Variants in PDZRN3 observed in about 807,000 individuals in gnomAD.
PDZRN3 encodes the protein E3 ubiquitin-protein ligase PDZRN3.
Under a neutral mutation model 85.7 loss-of-function variants are expected in PDZRN3, and 38 were observed. That is an observed-to-expected ratio of 0.44 (90% CI 0.34 to 0.58). The LOEUF is 0.58. PDZRN3 is among the 20% of genes least tolerant of loss of function. The pLI is 0.01. For synonymous variants in PDZRN3, 759 were observed against 638.0 expected (o/e 1.19, Z -2.86); for missense variants, 1,629 against 1,506.4 (o/e 1.08, Z -1.35).
intron 3 of PDZRN3, among the ~76,000 whole-genome samples, chr3:73,570,175 T>G (rs1702025364): frequency 6.6e-6 from 1 of 152,148 alleles, no homozygotes; most frequent in Non-Finnish European, 1.5e-5. Context: ...TGCTGTGTAT[T>G]GGCACCAAGG....
At chr3:73,570,301 C>G (rs1431119117) in intron 3 of PDZRN3, among the ~76,000 whole-genome samples, 1 of 152,280 alleles carries the variant, frequency 6.6e-6, no homozygotes, top group Non-Finnish European at 1.5e-5. Flanking sequence ...ATGAGGCATA[C>G]ATCTAGAAGA....
chr3:73,620,572 G>GTTTT (rs1477092912), intron 1 of PDZRN3, among the ~76,000 whole-genome samples: 1 of 88,468 alleles, frequency 1.1e-5, no homozygotes, highest in Non-Finnish European at 2.5e-5. Flanking sequence ...GGCAGTCTGG[G>GTTTT]TTTTTTTTGT....
chr3:73,565,046 C>T (rs547271456), intron 3 of PDZRN3, among the ~76,000 whole-genome samples: 10 of 151,986 alleles, frequency 6.6e-5, no homozygotes, highest in African/African-American at 2.4e-4. Context: ...CAATATCAGA[C>T]AGCATAGCAC....
At chr3:73,415,203 G>T (rs1702051472) in intron 3 of PDZRN3, among the ~76,000 whole-genome samples, 4 of 152,316 alleles carry the variant, frequency 2.6e-5, no homozygotes, top group Admixed American at 2.0e-4. Flanking sequence ...CAGGGAGAGG[G>T]AGGTCCCCTG....
At chr3:73,584,550 G>C (rs9847947) in intron 3 of PDZRN3, among the ~76,000 whole-genome samples, 104,136 of 151,112 alleles carry the variant, frequency 0.69, 36,551 homozygotes, top group South Asian at 0.77. Context: ...AGAAAACAGA[G>C]AAAATATTAA....
chr3:73,544,935 G>A (rs903375164), intron 3 of PDZRN3, among the ~76,000 whole-genome samples: 4 of 151,990 alleles, frequency 2.6e-5, no homozygotes, highest in Admixed American at 1.3e-4. Flanking sequence ...CAAAACCTCC[G>A]TAGCTGTATT....
intron 5 of PDZRN3, among the ~76,000 whole-genome samples, chr3:73,400,712 T>G (rs1308848620): frequency 6.6e-6 from 1 of 152,202 alleles, no homozygotes; most frequent in Non-Finnish European, 1.5e-5. Context: ...AAGTTTACAT[T>G]TCTGCTTTTG....
rs1156969580 is a variant in PDZRN3 at position 73,433,634 on chromosome 3, G to A, written c.919-29239C>T. ...ACTTCTATGGAATAAAATGCAGGGT[G>A]TTACCTGACAAACTTCATAGAGTAA... is the stretch of plus-strand genomic sequence containing the variant. On this transcript the variant is annotated intron_variant, in intron 3 of 9. Transcript: ENST00000263666. 4 of 1,523,728 alleles carry A rather than the reference G, an allele frequency of 2.6e-6. No individual in the cohort carries two copies. The South Asian group carries it at 4.8e-5, about 18-fold the overall frequency. The allele number at this position is 1,523,728 out of a possible 1,614,324, so 94.4% of individuals were successfully genotyped here. A position where few individuals can be genotyped will look rare whatever the true frequency, so the allele number is the denominator to read the frequency against.
intron 3 of PDZRN3, among the ~76,000 whole-genome samples, chr3:73,461,088 C>T (rs1318115092): frequency 6.6e-6 from 1 of 152,136 alleles, no homozygotes; most frequent in African/African-American, 2.4e-5. Flanking sequence ...GCCACCGTAC[C>T]TGGCCAAGAT....
chr3:73,442,131 C>G (rs565044272), intron 3 of PDZRN3, among the ~76,000 whole-genome samples: 172 of 152,290 alleles, frequency 1.1e-3, no homozygotes, highest in African/African-American at 4.0e-3. Flanking sequence ...CTGGGGGTTC[C>G]CTGCTGGGCT....
intron 3 of PDZRN3, among the ~76,000 whole-genome samples, chr3:73,591,421 T>C (rs1702354729): frequency 1.3e-5 from 2 of 152,222 alleles, no homozygotes; most frequent in South Asian, 4.1e-4. Flanking sequence ...CTGATTTATA[T>C]GGCCTTAGGA....
chr3:73,612,795 G>T (rs1702703294), intron 1 of PDZRN3, among the ~76,000 whole-genome samples: 1 of 152,216 alleles, frequency 6.6e-6, no homozygotes, highest in Non-Finnish European at 1.5e-5. Context: ...GAAAGGGAAT[G>T]ATAATGGTTC....
intron 3 of PDZRN3, among the ~76,000 whole-genome samples, chr3:73,501,440 C>T (rs989506051): frequency 4.6e-5 from 7 of 152,198 alleles, no homozygotes; most frequent in Non-Finnish European, 1.0e-4. Context: ...CCAGCTTCCC[C>T]CTTTCCCTAT....
In PDZRN3 at chr3:73,384,460, G is replaced by A. The variant is rs570535127; in HGVS notation, c.2106C>T (p.Ile702=). 2 of 1,612,810 alleles carry A rather than the reference G, an allele frequency of 1.2e-6. No homozygotes were observed. The highest frequency in any genetic ancestry group is 1.1e-5 in the South Asian group (1 of 91,088). ...GCTGCTGCATCTTGTGGGCGCGCAC[G>A]ATGCTCAGGCACTCCAGCTCGATGC... ...LRSIELECLS[I]VRAHKMQQLK... Residue 702 remains isoleucine (I), a synonymous_variant, in exon 10 of 10, where the codon ATC becomes ATT. Transcript: ENST00000263666.
chr3:73,487,733 A>G (rs1703690959), intron 3 of PDZRN3, among the ~76,000 whole-genome samples: 1 of 152,238 alleles, frequency 6.6e-6, no homozygotes, highest in Non-Finnish European at 1.5e-5. Flanking sequence ...TGTAAGCTGA[A>G]TAATTCCTGT....
intron 2 of PDZRN3, among the ~76,000 whole-genome samples, chr3:73,606,187 C>T (rs1702597296): frequency 6.6e-6 from 1 of 152,190 alleles, no homozygotes; most frequent in South Asian, 2.1e-4. Flanking sequence ...CTTTTGTTTG[C>T]TATAGCTTGT....
intron 3 of PDZRN3, among the ~76,000 whole-genome samples, chr3:73,592,841 T>C (rs1430690805): frequency 1.3e-5 from 2 of 152,172 alleles, no homozygotes; most frequent in African/African-American, 2.4e-5. Context: ...GCAATTACCA[T>C]TGACAATTTC....
chr3:73,477,188 A>G (rs947215190), intron 3 of PDZRN3, among the ~76,000 whole-genome samples: 56 of 152,352 alleles, frequency 3.7e-4, no homozygotes, highest in African/African-American at 1.3e-3. Context: ...CAAAGCATTT[A>G]GAACAGTGCC....
At chr3:73,546,087 C>T (rs895866321) in intron 3 of PDZRN3, among the ~76,000 whole-genome samples, 55 of 152,042 alleles carry the variant, frequency 3.6e-4, no homozygotes, top group Non-Finnish European at 5.6e-4. Context: ...ATACTGTGTC[C>T]GCAGTATACA....
Sources: gnomAD v4.1 joint callset for allele counts (sites outside exome capture counted in the v4.1 genomes callset) on GRCh38, gnomAD v4.1.1 for gene constraint, MANE v1.5 for transcripts, NCBI Gene and HGNC (gene_info 2026-07-23, HGNC 2026-07-21) for gene names.